The following FAP variants were observed in gnomAD, a reference collection of about 807,000 sequenced individuals.
FAP encodes the protein fibroblast activation protein alpha.
FAP carries 110 observed loss-of-function variants against 126.5 expected under a neutral mutation model. The observed-to-expected ratio is 0.87, with a 90% CI of 0.74 to 1.02. The LOEUF is 1.02. FAP is among the 50% of genes least tolerant of loss of function. The pLI is 0.00. For missense variants in FAP, 919 were observed against 909.2 expected (o/e 1.01, Z -0.14); for synonymous variants, 334 against 297.3 (o/e 1.12, Z -1.27).
intron 12 of FAP, among the ~76,000 whole-genome samples, chr2:162,203,755 ACAGGTAACCC>A (rs2106249799): frequency 6.6e-6 from 1 of 152,248 alleles, no homozygotes; most frequent in East Asian, 1.9e-4. Flanking sequence ...TTGACCTCTA[ACAGGTAACCC>A]CATGCAGAAC....
Position 162,173,154 on chromosome 2 carries a change from G to C in FAP, c.2102C>G (p.Ala701Gly). The C allele has an allele frequency of 6.2e-7, 1 of 1,611,848 alleles. No individual in the cohort carries two copies. Among genetic ancestry groups the C allele is most frequent in the Non-Finnish European group, 8.5e-7 (1 of 1,178,088 alleles). ...GAGTCTTGCTTAAACCTCACCATCT[G>C]CTGTTCCGTGGATGAGAAGATAGTC... ...NVDYLLIHGT[A>G]DDNVHFQNSA... is the part of the protein sequence containing the mutation. The change falls in exon 24 of 26, where the codon GCA (alanine) becomes GGA (glycine). Residue 701 changes from alanine to glycine, a missense_variant. Physicochemically the swap from Ala to Gly is moderately conservative, Grantham distance 60 (BLOSUM62 0). Transcript: ENST00000188790.
intron 11 of FAP, among the ~76,000 whole-genome samples, chr2:162,212,239 G>T (rs1340397643): frequency 6.6e-6 from 1 of 152,022 alleles, no homozygotes; most frequent in Non-Finnish European, 1.5e-5. Flanking sequence ...CTAGTTTTAG[G>T]AGCTAAAAAT....
intron 10 of FAP, among the ~76,000 whole-genome samples, chr2:162,214,511 A>C (rs1204817865): frequency 6.6e-6 from 1 of 151,718 alleles, no homozygotes; most frequent in East Asian, 1.9e-4. Flanking sequence ...TTGGAAGCTA[A>C]GTTTTAGCTG....
chr2:162,180,893 T>A (rs1007626586), intron 21 of FAP, among the ~76,000 whole-genome samples: 3 of 152,150 alleles, frequency 2.0e-5, no homozygotes, highest in African/African-American at 7.2e-5. Flanking sequence ...GTCATCATCA[T>A]CTTTGACACC....
intron 12 of FAP, among the ~76,000 whole-genome samples, chr2:162,209,027 GT>G (rs1688820766): frequency 6.6e-6 from 1 of 151,852 alleles, no homozygotes; most frequent in Admixed American, 6.6e-5. Flanking sequence ...ACAATGAAGA[GT>G]TTTTAATATT....
chr2:162,204,254 T>C (rs1298428571), intron 12 of FAP, among the ~76,000 whole-genome samples: 1 of 152,202 alleles, frequency 6.6e-6, no homozygotes, highest in Non-Finnish European at 1.5e-5. Flanking sequence ...TCATATTTGA[T>C]GCCTTTTTGA....
chr2:162,204,743 A>G (rs557474707), intron 12 of FAP, among the ~76,000 whole-genome samples: 1 of 152,320 alleles, frequency 6.6e-6, no homozygotes, highest in East Asian at 1.9e-4. Context: ...TTTAAGCCAC[A>G]AAGTTTGCCA....
chr2:162,224,739 T>C (rs1289546100), intron 4 of FAP, among the ~76,000 whole-genome samples, 199 bp from the exon 5 acceptor site: 2 of 152,268 alleles, frequency 1.3e-5, no homozygotes, highest in East Asian at 3.9e-4. Context: ...ATGCAAGAGA[T>C]AATATATACT....
At chr2:162,195,777 T>C (rs903625620) in intron 16 of FAP, among the ~76,000 whole-genome samples, 1 of 152,164 alleles carries the variant, frequency 6.6e-6, no homozygotes, top group Non-Finnish European at 1.5e-5. Context: ...TCTGGAAATA[T>C]ACCTTTTAAG....
chr2:162,174,013 A>G (rs1267277227), intron 22 of FAP, among the ~76,000 whole-genome samples: 1 of 152,212 alleles, frequency 6.6e-6, no homozygotes, highest in African/African-American at 2.4e-5. Context: ...TTATGGAAAC[A>G]GGAGCATCTA....
intron 9 of FAP, among the ~76,000 whole-genome samples, chr2:162,216,872 A>G (rs890449751): frequency 6.6e-6 from 1 of 152,144 alleles, no homozygotes; most frequent in Non-Finnish European, 1.5e-5. Context: ...CAGATGTTTT[A>G]GCAACCTTAA....
At chr2:162,208,171 G>T (rs970992562) in intron 12 of FAP, among the ~76,000 whole-genome samples, 3 of 151,266 alleles carry the variant, frequency 2.0e-5, no homozygotes, top group African/African-American at 7.3e-5. Flanking sequence ...CAGGAGAATC[G>T]CTTGAACCCG....
chr2:162,232,930 C>T (rs1287110063), intron 2 of FAP, among the ~76,000 whole-genome samples: 3 of 152,104 alleles, frequency 2.0e-5, no homozygotes, highest in African/African-American at 7.2e-5. Flanking sequence ...AGCTCATTTT[C>T]CTCTAATCTC....
chr2:162,192,032 T>C (rs1237549740), intron 17 of FAP, among the ~76,000 whole-genome samples: 3 of 152,080 alleles, frequency 2.0e-5, no homozygotes, highest in Non-Finnish European at 2.9e-5. Flanking sequence ...CTCCTCTATG[T>C]TTTCCTTCCA....
At chr2:162,237,231 A>T (rs1690174843) in intron 2 of FAP, among the ~76,000 whole-genome samples, 1 of 152,096 alleles carries the variant, frequency 6.6e-6, no homozygotes, top group African/African-American at 2.4e-5. Flanking sequence ...CAATTTTTTA[A>T]ATTATACTTT....
chr2:162,207,334 A>G (rs1455835707), intron 12 of FAP, among the ~76,000 whole-genome samples: 2 of 152,226 alleles, frequency 1.3e-5, no homozygotes, highest in Admixed American at 1.3e-4. Context: ...ATAATTTTTG[A>G]TAATTTCTCT....
At chr2:162,209,002 G>A (rs1688819328) in intron 12 of FAP, among the ~76,000 whole-genome samples, 2 of 151,938 alleles carry the variant, frequency 1.3e-5, no homozygotes, top group South Asian at 4.1e-4. Flanking sequence ...AAATCAACTG[G>A]ATCCAGAAAA....
chr2:162,198,153 T>C (rs1304100676), intron 16 of FAP: 3 of 1,274,986 alleles, frequency 2.4e-6, no homozygotes, highest in Admixed American at 4.9e-5. Context: ...TTACTTATGG[T>C]TTGTTATATT....
chr2:162,217,117 C>A (rs1369563013), intron 9 of FAP, among the ~76,000 whole-genome samples: 1 of 152,194 alleles, frequency 6.6e-6, no homozygotes, highest in African/African-American at 2.4e-5. Flanking sequence ...AATTCTATTT[C>A]TTTCTCTATG....
Sources: gnomAD v4.1 joint callset for allele counts (sites outside exome capture counted in the v4.1 genomes callset) on GRCh38, gnomAD v4.1.1 for gene constraint, MANE v1.5 for transcripts, NCBI Gene and HGNC (gene_info 2026-07-23, HGNC 2026-07-21) for gene names.